Variants in TNFAIP8 observed in about 807,000 individuals in gnomAD.
The protein encoded by TNFAIP8 is TNF alpha induced protein 8.
In TNFAIP8, 7 loss-of-function variants were observed where a neutral mutation model predicts 13.3. The observed-to-expected ratio is 0.52, with a 90% CI of 0.30 to 0.99. The LOEUF (loss-of-function observed/expected upper bound fraction) is 0.99. Among genes scored for constraint, TNFAIP8 ranks in the 50% least tolerant of loss-of-function variants. The pLI, the probability that TNFAIP8 is intolerant of heterozygous loss-of-function variation, is 0.07. For missense variants in TNFAIP8, 258 were observed against 236.9 expected (o/e 1.09, Z -0.58); for synonymous variants, 94 against 87.6 (o/e 1.07, Z -0.41).
chr5:119,294,357 C>T (rs1325229324), intron 1 of TNFAIP8, among the ~76,000 whole-genome samples: 1 of 152,134 alleles, frequency 6.6e-6, no homozygotes, highest in Non-Finnish European at 1.5e-5. Flanking sequence ...TCATCCATGT[C>T]CCTACAAAGA....
chr5:119,280,634 T>C (rs918358703), intron 1 of TNFAIP8, among the ~76,000 whole-genome samples: 1 of 152,230 alleles, frequency 6.6e-6, no homozygotes, highest in Non-Finnish European at 1.5e-5. Context: ...GTTTTTCCAC[T>C]CTTTTGATGT....
chr5:119,275,300 G>C (rs1395881453), intron 1 of TNFAIP8, among the ~76,000 whole-genome samples: 1 of 152,096 alleles, frequency 6.6e-6, no homozygotes, highest in African/African-American at 2.4e-5. Flanking sequence ...ACATTGGAGA[G>C]TCTGCCCAGT....
At chr5:119,362,170 G>A (rs1411190353) in intron 1 of TNFAIP8, among the ~76,000 whole-genome samples, 1 of 152,124 alleles carries the variant, frequency 6.6e-6, no homozygotes, top group Non-Finnish European at 1.5e-5. Flanking sequence ...CTTCAAAGAG[G>A]GGTAACTTGT....
At chr5:119,331,234 CTTT>C (rs59808410) in intron 1 of TNFAIP8, among the ~76,000 whole-genome samples, 2 of 141,282 alleles carry the variant, frequency 1.4e-5, no homozygotes, top group Admixed American at 7.1e-5. Flanking sequence ...GAGATATTAG[CTTT>C]TTTTTTTTTT....
In TNFAIP8 at chr5:119,396,703, A is replaced by G. The variant is rs1366392891; in HGVS notation, c.*3322A>G. On this transcript the variant is annotated 3_prime_UTR_variant, in exon 2 of 2. Transcript: ENST00000504771. ...TACAACTCAAAATTAGTTTAAGAGTAAAGCATGGGGTGGGTGCGGTGGCTT... is the reference window on the plus strand; with the variant it reads ...TACAACTCAAAATTAGTTTAAGAGTGAAGCATGGGGTGGGTGCGGTGGCTT... 1 of 152,156 alleles carries G rather than the reference A, an allele frequency of 6.6e-6. No homozygotes were observed. The highest frequency in any genetic ancestry group is 1.5e-5 in the Non-Finnish European group (1 of 68,016). 9.4% of individuals were successfully genotyped at this position (152,156 alleles called of 1,614,324 possible).
intron 1 of TNFAIP8, among the ~76,000 whole-genome samples, chr5:119,371,909 G>A (rs149828690): frequency 3.4e-4 from 51 of 151,366 alleles, no homozygotes; most frequent in South Asian, 8.4e-4. Flanking sequence ...AGGCCGAAGC[G>A]GGCAGATCAC....
At chr5:119,322,979 T>A (rs1750109863) in intron 1 of TNFAIP8, among the ~76,000 whole-genome samples, 1 of 152,326 alleles carries the variant, frequency 6.6e-6, no homozygotes, top group African/African-American at 2.4e-5. Context: ...ATGACCCAGG[T>A]AACTATCTCG....
intron 1 of TNFAIP8, among the ~76,000 whole-genome samples, chr5:119,369,408 TTTG>T (rs1282672243): frequency 6.6e-6 from 1 of 152,202 alleles, no homozygotes; most frequent in Admixed American, 6.5e-5. Flanking sequence ...TTTCTTTAGC[TTTG>T]TAGTGCTCAA....
rs187145324 is a variant in TNFAIP8, at chr5:119,394,458, G to A, written c.*1077G>A. 1.2e-4 allele frequency: 19 copies of A among 152,064 alleles called. No homozygotes were observed. The highest frequency in any genetic ancestry group is 2.4e-4 in the Non-Finnish European group (16 of 67,986). The allele number at this position is 152,064 out of a possible 1,614,324, so 9.4% of individuals were successfully genotyped here. ...ATTTGTATTTCAAGCAGTTTGTGTG[G>A]TGTTTCTATATAATTTTCTGTGTAT... On this transcript the variant is annotated 3_prime_UTR_variant, in exon 2 of 2. Transcript: ENST00000504771.
At chr5:119,353,046 AT>A (rs1751232830), upstream of TNFAIP8, among the ~76,000 whole-genome samples, 1 of 152,222 alleles carries the variant, frequency 6.6e-6, no homozygotes, top group African/African-American at 2.4e-5. Context: ...TCAACATAGT[AT>A]TTAAATTTAA....
intron 1 of TNFAIP8, among the ~76,000 whole-genome samples, chr5:119,373,428 C>T (rs1369177739): frequency 6.6e-6 from 1 of 152,238 alleles, no homozygotes; most frequent in African/African-American, 2.4e-5. Context: ...GACGTCAAGA[C>T]AGGCATACAA....
At chr5:119,378,102 A>G (rs1024813302) in intron 1 of TNFAIP8, among the ~76,000 whole-genome samples, 15 of 152,182 alleles carry the variant, frequency 9.9e-5, no homozygotes, top group African/African-American at 2.4e-4. Flanking sequence ...AAATTTCCCA[A>G]TTTTCTAACA....
At chr5:119,382,560 G>GATA (rs1246988100) in intron 1 of TNFAIP8, among the ~76,000 whole-genome samples, 18 of 152,006 alleles carry the variant, frequency 1.2e-4, no homozygotes, top group African/African-American at 3.9e-4. Flanking sequence ...CCATAATAAT[G>GATA]ATAATAATAA....
rs1753063306 is a variant in TNFAIP8, at chr5:119,395,959, T to G, written c.*2578T>G. 6.6e-6 allele frequency: 1 copy of G among 152,214 alleles called. No individual in the cohort carries two copies. The highest frequency in any genetic ancestry group is 2.1e-4 in the South Asian group (1 of 4,834). The allele number at this position is 152,214 out of a possible 1,614,324, so 9.4% of individuals were successfully genotyped here. On this transcript the variant is annotated 3_prime_UTR_variant, in exon 2 of 2. Coordinates refer to ENST00000504771, the MANE Select transcript of TNFAIP8 (RefSeq NM_014350.4). ...CTGCAAAAATTATGAGTGGATATGA[T>G]AAGTGGATGATAATACTAATGGACA...
intron 1 of TNFAIP8, among the ~76,000 whole-genome samples, chr5:119,270,877 T>C (rs1484882751): frequency 6.6e-6 from 1 of 152,198 alleles, no homozygotes; most frequent in Non-Finnish European, 1.5e-5. Flanking sequence ...ACCAAAAGCA[T>C]AGTGATCCTG....
At chr5:119,275,500 C>A (rs1748413077) in intron 1 of TNFAIP8, among the ~76,000 whole-genome samples, 3 of 152,138 alleles carry the variant, frequency 2.0e-5, no homozygotes, top group African/African-American at 4.8e-5. Context: ...CCAAGCGGAC[C>A]GTTTCCCCTA....
chr5:119,302,081 G>T (rs1749412907), intron 1 of TNFAIP8, among the ~76,000 whole-genome samples: 1 of 152,240 alleles, frequency 6.6e-6, no homozygotes, highest in Non-Finnish European at 1.5e-5. Flanking sequence ...TAGCAAATAA[G>T]GGAGGAGTTG....
At chr5:119,284,502 A>G (rs1748719612) in intron 1 of TNFAIP8, among the ~76,000 whole-genome samples, 1 of 152,016 alleles carries the variant, frequency 6.6e-6, no homozygotes, top group Admixed American at 6.5e-5. Flanking sequence ...CCAACATGGC[A>G]AAACCCCCTC....
intron 1 of TNFAIP8, among the ~76,000 whole-genome samples, chr5:119,349,576 G>C (rs1751041746): frequency 6.6e-6 from 1 of 152,228 alleles, no homozygotes; most frequent in African/African-American, 2.4e-5. Context: ...ATTGAGTCTG[G>C]TGTTCTTTTC....
Sources: allele counts gnomAD v4.1 joint callset (sites outside exome capture counted in the v4.1 genomes callset), GRCh38; gene constraint gnomAD v4.1.1; transcripts MANE v1.5; gene names NCBI Gene and HGNC (gene_info 2026-07-23, HGNC 2026-07-21).